Variants in CYLD observed in about 807,000 individuals in gnomAD.
CYLD encodes ubiquitin carboxyl-terminal hydrolase CYLD.
CYLD carries 26 observed loss-of-function variants against 104.5 expected under a neutral mutation model. That is an observed-to-expected ratio of 0.25 (90% CI 0.18 to 0.35). CYLD has a LOEUF of 0.35. Ranked by LOEUF, CYLD falls within the 10% of genes least tolerant of loss-of-function variation. The probability of loss-of-function intolerance (pLI) is 1.00; values close to 1 mark genes in which losing one functional copy is unlikely to be tolerated. For missense variants in CYLD, 703 were observed against 1,136.1 expected (o/e 0.62, Z 5.48); for synonymous variants, 385 against 399.9 (o/e 0.96, Z 0.45).
At chr16:50,754,532 A>G (rs1292257406) in intron 5 of CYLD, 108 bp downstream of exon 5, 2 of 765,024 alleles carry the variant, frequency 2.6e-6, no homozygotes, top group East Asian at 5.5e-5. Context: ...GGTTACATGG[A>G]TAAGTTCTTT....
intron 2 of CYLD, 176 bp from the exon 3 acceptor site, chr16:50,749,400 G>A: frequency 7.5e-6 from 4 of 529,880 alleles, no homozygotes; most frequent in Middle Eastern, 4.9e-4. Context: ...AATACAGTAT[G>A]TATGTCTTTT....
intron 2 of CYLD, among the ~76,000 whole-genome samples, chr16:50,745,363 T>G (rs984455907): frequency 6.6e-5 from 3 of 45,694 alleles, no homozygotes; most frequent in African/African-American, 2.1e-4. Flanking sequence ...TTCCTCTTTG[T>G]TTTTTTTTTT....
chr16:50,776,404 G>A (rs958662722), intron 7 of CYLD, 127 bp downstream of exon 7: 6 of 741,664 alleles, frequency 8.1e-6, no homozygotes, highest in Admixed American at 6.6e-5. Context: ...AACATTTTTA[G>A]TAGTGAAACT....
intron 5 of CYLD, among the ~76,000 whole-genome samples, chr16:50,774,697 T>A (rs56023542): frequency 3.3e-5 from 5 of 152,130 alleles, no homozygotes; most frequent in African/African-American, 1.2e-4. Flanking sequence ...ATTAGGATGG[T>A]GCAAGATTTC....
In CYLD at chr16:50,800,391, C is replaced by T. The variant is rs1297239871; in HGVS notation, c.*3883C>T. 3 of 233,138 alleles carry T rather than the reference C, an allele frequency of 1.3e-5. No individual in the cohort carries two copies. Among genetic ancestry groups the T allele is most frequent in the East Asian group, 6.0e-5 (1 of 16,720 alleles). The allele number at this position is 233,138 out of a possible 1,614,324, so 14.4% of individuals were successfully genotyped here. On this transcript the variant is annotated 3_prime_UTR_variant, in exon 19 of 19. Transcript: ENST00000427738. The stretch of plus-strand genomic sequence containing the variant: ...CATGTAACGTTACTGTATTATTCTA[C>T]GTAAATGTGGGTACTTGGATGTTTA...
chr16:50,796,607 A>G lies in CYLD; in HGVS notation c.*99A>G. 8.1e-7 allele frequency: 1 copy of G among 1,236,862 alleles called. No individual in the cohort carries two copies. Among genetic ancestry groups the G allele is most frequent in the Non-Finnish European group, 1.2e-6 (1 of 851,986 alleles). 76.6% of individuals were successfully genotyped at this position (1,236,862 alleles called of 1,614,324 possible). A position where few individuals can be genotyped will look rare whatever the true frequency, so the allele number is the denominator to read the frequency against. The stretch of plus-strand genomic sequence containing the variant: ...TGTTCACGTCCATTGCCGGCAATGG[A>G]TGTCTTTGTGGTGATGATCCTTCAG... On this transcript the variant is annotated 3_prime_UTR_variant, in exon 19 of 19. Transcript: ENST00000427738.
intron 2 of CYLD, among the ~76,000 whole-genome samples, chr16:50,747,850 C>T (rs370997473): frequency 2.6e-5 from 4 of 152,240 alleles, no homozygotes; most frequent in African/African-American, 7.2e-5. Context: ...GAGTGTTACA[C>T]AGATATTTCA....
At chr16:50,767,181 G>A (rs1457240853) in intron 5 of CYLD, among the ~76,000 whole-genome samples, 1 of 152,198 alleles carries the variant, frequency 6.6e-6, no homozygotes, top group African/African-American at 2.4e-5. Flanking sequence ...TGAGGCAAGA[G>A]CCTCCACCAG....
chr16:50,796,122 G>A (rs1390714387), intron 18 of CYLD, among the ~76,000 whole-genome samples: 3 of 152,180 alleles, frequency 2.0e-5, no homozygotes, highest in African/African-American at 7.2e-5. Context: ...TTTATTCACT[G>A]TTGGCCCCAG....
At chr16:50,749,153 GATTGT>G (rs1287636369) in intron 2 of CYLD, among the ~76,000 whole-genome samples, 1 of 152,214 alleles carries the variant, frequency 6.6e-6, no homozygotes, top group Non-Finnish European at 1.5e-5. Context: ...AGTGAACTGT[GATTGT>G]GCCACTGCAG....
intron 4 of CYLD, among the ~76,000 whole-genome samples, chr16:50,752,708 T>C (rs919493490): frequency 1.4e-4 from 22 of 152,202 alleles, no homozygotes; most frequent in African/African-American, 5.3e-4. Context: ...CAATTTCTTC[T>C]GATTTCTCTG....
chr16:50,787,271 A>G (rs1970939402), intron 13 of CYLD: 3 of 321,790 alleles, frequency 9.3e-6, no homozygotes, highest in South Asian at 3.3e-5. Flanking sequence ...TGGGTTTTCT[A>G]CATTTTCCCA....
intron 2 of CYLD, among the ~76,000 whole-genome samples, chr16:50,748,953 G>A (rs910637209): frequency 2.6e-5 from 4 of 152,222 alleles, no homozygotes; most frequent in Non-Finnish European, 4.4e-5. Context: ...TGTAATCCCA[G>A]TGCGTTGGGA....
At position 50,780,057 on chromosome 16, in the gene CYLD, G is replaced by T; in HGVS notation, c.1518+13G>T. On this transcript the variant is annotated intron_variant, in intron 9 of 18. Transcript: ENST00000427738. ...TGGACTGGAACTGGTAATTTAACTT[G>T]ACCCAAAAATTTCAATTTTTTTCTC... The T allele has an allele frequency of 6.2e-7, 1 of 1,613,586 alleles. No homozygotes were observed. The highest frequency in any genetic ancestry group is 1.1e-5 in the South Asian group (1 of 91,006).
intron 15 of CYLD, 46 bp from the exon 16 acceptor site, chr16:50,792,550 TG>T (rs201757487): frequency 3.8e-5 from 52 of 1,376,956 alleles, no homozygotes; most frequent in South Asian, 8.6e-5. Context: ...TAGGGAAAAG[TG>T]TTTTTTTTAA....
chr16:50,757,819 A>G (rs1224609300), intron 5 of CYLD, among the ~76,000 whole-genome samples: 1 of 152,240 alleles, frequency 6.6e-6, no homozygotes, highest in African/African-American at 2.4e-5. Context: ...TACAGGCGTG[A>G]GCCACTGCGC....
intron 14 of CYLD, among the ~76,000 whole-genome samples, chr16:50,789,715 TAGG>T (rs1971239571): frequency 6.6e-6 from 1 of 151,812 alleles, no homozygotes; most frequent in Admixed American, 6.6e-5. Flanking sequence ...ATGCAACAAA[TAGG>T]AGGATAAGTA....
intron 5 of CYLD, among the ~76,000 whole-genome samples, chr16:50,765,322 A>T (rs1217621246): frequency 6.6e-6 from 1 of 152,110 alleles, no homozygotes; most frequent in African/African-American, 2.4e-5. Flanking sequence ...ATGATCTTTG[A>T]GGTGACTATT....
At chr16:50,753,893 A>G (rs956036083) in intron 4 of CYLD, among the ~76,000 whole-genome samples, 11 of 152,246 alleles carry the variant, frequency 7.2e-5, no homozygotes, top group Non-Finnish European at 1.5e-4. Context: ...TTAAATGCTC[A>G]GGGAATATGA....
Sources: gnomAD v4.1 joint callset for allele counts (sites outside exome capture counted in the v4.1 genomes callset) on GRCh38, gnomAD v4.1.1 for gene constraint, MANE v1.5 for transcripts, NCBI Gene and HGNC (gene_info 2026-07-23, HGNC 2026-07-21) for gene names.